The following PAQR5 variants were observed in gnomAD, a reference collection of about 807,000 sequenced individuals.
The protein encoded by PAQR5 is membrane progestin receptor gamma.
PAQR5 carries 20 observed loss-of-function variants against 34.5 expected under a neutral mutation model. The ratio of observed to expected loss-of-function variants is 0.58; its 90% CI spans 0.41 to 0.84. The LOEUF (loss-of-function observed/expected upper bound fraction) is 0.84. Among genes scored for constraint, PAQR5 ranks in the 40% least tolerant of loss-of-function variants. The probability of loss-of-function intolerance (pLI) is 0.00; values close to 1 mark genes in which losing one functional copy is unlikely to be tolerated. For missense variants in PAQR5, 378 were observed against 412.7 expected (o/e 0.92, Z 0.73); for synonymous variants, 131 against 155.6 (o/e 0.84, Z 1.18).
chr15:69,397,614 C>A, intron 7 of PAQR5, 50 bp downstream of exon 7: 1 of 1,234,954 alleles, frequency 8.1e-7, no homozygotes, highest in Non-Finnish European at 1.2e-6. Context: ...ACCAGGAAGT[C>A]AGTTGTTTTC....
chr15:69,324,205 G>A (rs1476695753), intron 1 of PAQR5, among the ~76,000 whole-genome samples: 1 of 151,940 alleles, frequency 6.6e-6, no homozygotes, highest in Non-Finnish European at 1.5e-5. Flanking sequence ...GGTCACCATG[G>A]CAACCCCCTG....
chr15:69,362,735 A>G (rs560982575), intron 3 of PAQR5, among the ~76,000 whole-genome samples: 2 of 152,288 alleles, frequency 1.3e-5, no homozygotes, highest in African/African-American at 4.8e-5. Context: ...TGTCATTATT[A>G]GCATTCTCTC....
chr15:69,363,098 C>A (rs1391011228), intron 3 of PAQR5, among the ~76,000 whole-genome samples: 3 of 152,190 alleles, frequency 2.0e-5, no homozygotes, highest in Non-Finnish European at 4.4e-5. Context: ...AGCTGCCTCT[C>A]CTTTTGTGTA....
chr15:69,358,389 A>G (rs1461066141), intron 2 of PAQR5, among the ~76,000 whole-genome samples: 1 of 152,068 alleles, frequency 6.6e-6, no homozygotes, highest in African/African-American at 2.4e-5. Flanking sequence ...GCTTTCTGGA[A>G]GAGTTGAGTT....
chr15:69,403,578 T>C lies in PAQR5; in HGVS notation c.752-3T>C. On this transcript the variant is annotated splice_polypyrimidine_tract_variant and splice_region_variant and intron_variant, in intron 8 of 8. Coordinates refer to ENST00000395407, the MANE Select transcript of PAQR5 (RefSeq NM_017705.4). ...TCTTGACGGCCTTTTGTGTTTGCCA[T>C]AGGTCACAGTCACCAGCTGTTTCAC... 6.2e-7 allele frequency: 1 copy of C among 1,613,830 alleles called. No homozygotes were observed. Among genetic ancestry groups the C allele is most frequent in the Non-Finnish European group, 8.5e-7 (1 of 1,179,696 alleles).
intron 7 of PAQR5, among the ~76,000 whole-genome samples, chr15:69,398,787 T>C (rs1286130778): frequency 6.6e-6 from 1 of 152,224 alleles, no homozygotes; most frequent in Non-Finnish European, 1.5e-5. Flanking sequence ...GTGCAAGTCC[T>C]GTGTTGTGAC....
intron 1 of PAQR5, among the ~76,000 whole-genome samples, chr15:69,301,312 C>G (rs1487420959): frequency 6.6e-6 from 1 of 152,048 alleles, no homozygotes. Flanking sequence ...CCCCCATGTG[C>G]TTTTCCAGAG....
chr15:69,359,848 T>G, intron 2 of PAQR5, 118 bp from the exon 3 acceptor site: 12 of 488,672 alleles, frequency 2.5e-5, no homozygotes, highest in South Asian at 2.8e-5. Flanking sequence ...TAAGGAAGCT[T>G]GATCTTGTGC....
chr15:69,321,066 T>C (rs1340778279), intron 1 of PAQR5, among the ~76,000 whole-genome samples: 1 of 152,224 alleles, frequency 6.6e-6, no homozygotes, highest in Non-Finnish European at 1.5e-5. Context: ...AGTTCTTTGG[T>C]TTTATCTTGT....
intron 2 of PAQR5, among the ~76,000 whole-genome samples, chr15:69,341,171 T>G (rs1228011954): frequency 7.8e-6 from 1 of 127,678 alleles, no homozygotes; most frequent in African/African-American, 3.0e-5. Context: ...TAATTCCCCA[T>G]CCCCTCTACC....
At chr15:69,398,799 A>G (rs2056534266) in intron 7 of PAQR5, among the ~76,000 whole-genome samples, 1 of 152,200 alleles carries the variant, frequency 6.6e-6, no homozygotes, top group South Asian at 2.1e-4. Context: ...TGTTGTGACA[A>G]GCATCGTGTG....
intron 6 of PAQR5, chr15:69,396,931 C>G: frequency 3.2e-6 from 1 of 310,168 alleles, no homozygotes; most frequent in Non-Finnish European, 6.3e-6. Context: ...TTTAGTTTTC[C>G]CAAGCCAAGT....
chr15:69,384,023 T>C (rs1420807666), intron 4 of PAQR5, among the ~76,000 whole-genome samples: 3 of 86,544 alleles, frequency 3.5e-5, no homozygotes, highest in African/African-American at 4.8e-5. Flanking sequence ...GGAGGGTGAG[T>C]GGGCCTCTGT....
At chr15:69,325,147 G>C (rs1188908748) in intron 1 of PAQR5, among the ~76,000 whole-genome samples, 4 of 152,088 alleles carry the variant, frequency 2.6e-5, no homozygotes, top group Non-Finnish European at 4.4e-5. Flanking sequence ...GATCCACCCA[G>C]CTCAGCCTCC....
In PAQR5 at chr15:69,321,219, G is replaced by A. The variant is rs75264688; in HGVS notation, c.-276-16122G>A. Among the ~76,000 whole-genome samples, 164 of 152,360 alleles carry A rather than the reference G, an allele frequency of 1.1e-3. 1 individual carries two copies. Among genetic ancestry groups the A allele is most frequent in the African/African-American group, 3.7e-3 (154 of 41,588 alleles). ...CTTTGTCTATAGGCATGCAACATCTGAGTAGGACTCAAAAGACATATTTCA... is the reference window on the plus strand; with the variant it reads ...CTTTGTCTATAGGCATGCAACATCTAAGTAGGACTCAAAAGACATATTTCA... On this transcript the variant is annotated intron_variant, in intron 1 of 8. Transcript: ENST00000395407.
At chr15:69,309,204 G>C (rs2053779132) in intron 1 of PAQR5, among the ~76,000 whole-genome samples, 1 of 152,140 alleles carries the variant, frequency 6.6e-6, no homozygotes, top group Non-Finnish European at 1.5e-5. Flanking sequence ...GGAGAGGAGG[G>C]CCTGGCAGGA....
At chr15:69,319,155 A>G (rs941582442) in intron 1 of PAQR5, among the ~76,000 whole-genome samples, 1 of 78,608 alleles carries the variant, frequency 1.3e-5, no homozygotes, top group Non-Finnish European at 2.4e-5. Context: ...ATATAAATAT[A>G]TACATATATA....
At chr15:69,312,948 A>G (rs1043369408) in intron 1 of PAQR5, among the ~76,000 whole-genome samples, 2 of 152,138 alleles carry the variant, frequency 1.3e-5, no homozygotes, top group African/African-American at 2.4e-5. Context: ...GAACACATGC[A>G]CCTATTGGGC....
At chr15:69,322,000 A>G (rs1010832319) in intron 1 of PAQR5, among the ~76,000 whole-genome samples, 1 of 152,154 alleles carries the variant, frequency 6.6e-6, no homozygotes, top group Admixed American at 6.5e-5. Flanking sequence ...TTTACCCTAG[A>G]AAGCATTATA....
Sources: gnomAD v4.1 joint callset for allele counts (sites outside exome capture counted in the v4.1 genomes callset) on GRCh38, gnomAD v4.1.1 for gene constraint, MANE v1.5 for transcripts, NCBI Gene and HGNC (gene_info 2026-07-23, HGNC 2026-07-21) for gene names.